The following FRYL variants were observed in gnomAD, a reference collection of about 807,000 sequenced individuals.
The protein encoded by FRYL is FRY like transcription coactivator.
FRYL carries 150 observed loss-of-function variants against 351.2 expected under a neutral mutation model. That is an observed-to-expected ratio of 0.43 (90% CI 0.37 to 0.49). FRYL has a LOEUF of 0.49. FRYL is among the 20% of genes least tolerant of loss of function. The pLI is 0.00. For synonymous variants in FRYL, 1,153 were observed against 1,257.1 expected, an observed-to-expected ratio of 0.92 and a Z score of 1.75; for missense variants, 3,036 against 3,619.3, an observed-to-expected ratio of 0.84 and a Z score of 4.13.
chr4:48,698,177 A>G (rs1766381985), intron 2 of FRYL, among the ~76,000 whole-genome samples: 1 of 152,234 alleles, frequency 6.6e-6, no homozygotes, highest in Non-Finnish European at 1.5e-5. Flanking sequence ...CAAAGGAGAC[A>G]GTCATCAACC....
chr4:48,654,009 T>C (rs746866635), intron 3 of FRYL: 7 of 957,350 alleles, frequency 7.3e-6, no homozygotes, highest in African/African-American at 1.7e-5. Context: ...AACTATCCAG[T>C]TGAATAAAAG....
intron 2 of FRYL, among the ~76,000 whole-genome samples, chr4:48,699,842 T>C (rs1191294456): frequency 2.0e-5 from 3 of 152,208 alleles, no homozygotes; most frequent in Non-Finnish European, 4.4e-5. Context: ...TTTTGAATAT[T>C]GTCTACAGAT....
rs1737130910 is a variant in FRYL, at chr4:48,567,831, T to A, written c.2997-411A>T. 1.3e-5 allele frequency among the ~76,000 whole-genome samples: 2 copies of A among 152,232 alleles called. No homozygotes were observed. The highest frequency in any genetic ancestry group is 1.3e-4 in the Admixed American group (2 of 15,284). On this transcript the variant is annotated intron_variant, in intron 27 of 63. Transcript: ENST00000358350. The surrounding 1 kb of genome is among the most constrained non-coding windows in gnomAD (Gnocchi z 4.2). ...GTCTATTCATATTGTGCCTTCAGCA[T>A]AATTAAATATCTATTAGTCACTTAG... is the stretch of plus-strand genomic sequence containing the variant.
chr4:48,588,430 G>T (rs1742584012), intron 18 of FRYL, among the ~76,000 whole-genome samples: 1 of 152,054 alleles, frequency 6.6e-6, no homozygotes. Flanking sequence ...GTTGATTCAG[G>T]TATCTGTCTT....
intron 2 of FRYL, among the ~76,000 whole-genome samples, chr4:48,688,597 C>T (rs1765388033): frequency 6.6e-6 from 1 of 150,676 alleles, no homozygotes; most frequent in Non-Finnish European, 1.5e-5. Context: ...TTTCTCTTGA[C>T]AAATGCTATA....
chr4:48,737,644 A>G (rs1368570177), intron 1 of FRYL, among the ~76,000 whole-genome samples: 1 of 152,170 alleles, frequency 6.6e-6, no homozygotes, highest in East Asian at 1.9e-4. Context: ...GTATCACTCT[A>G]ATACCAAAAC....
intron 53 of FRYL, among the ~76,000 whole-genome samples, chr4:48,525,623 A>G (rs539870566): frequency 6.2e-4 from 94 of 152,326 alleles, no homozygotes; most frequent in African/African-American, 2.2e-3. Context: ...TATGAGTTGT[A>G]TATGTATATG....
intron 1 of FRYL, among the ~76,000 whole-genome samples, chr4:48,740,154 T>A (rs1448597309): frequency 6.6e-6 from 1 of 152,118 alleles, no homozygotes; most frequent in Non-Finnish European, 1.5e-5. Flanking sequence ...TTTTCTGCTC[T>A]GTGAAAGGCA....
At chr4:48,624,809 A>C (rs1380575618) in intron 4 of FRYL, among the ~76,000 whole-genome samples, 1 of 152,292 alleles carries the variant, frequency 6.6e-6, no homozygotes, top group East Asian at 1.9e-4. Flanking sequence ...GCCTTCCCCT[A>C]TGTGGGTAGG....
chr4:48,596,228 T>C (rs1488493001), intron 13 of FRYL, among the ~76,000 whole-genome samples: 1 of 152,138 alleles, frequency 6.6e-6, no homozygotes, highest in East Asian at 1.9e-4. Flanking sequence ...TTTTATTTAC[T>C]AAATTTTACT....
chr4:48,707,602 C>T (rs902172601), intron 2 of FRYL, among the ~76,000 whole-genome samples: 16 of 150,904 alleles, frequency 1.1e-4, no homozygotes, highest in Non-Finnish European at 1.6e-4. Flanking sequence ...TTTACAGACA[C>T]TAGAAAAAAA....
At chr4:48,707,406 G>A (rs548417182) in intron 2 of FRYL, among the ~76,000 whole-genome samples, 17 of 152,228 alleles carry the variant, frequency 1.1e-4, no homozygotes, top group African/African-American at 3.6e-4. Flanking sequence ...TCTAGAATTT[G>A]CTTTAAAATA....
At chr4:48,626,097 C>T (rs923575100) in intron 4 of FRYL, among the ~76,000 whole-genome samples, 1 of 151,990 alleles carries the variant, frequency 6.6e-6, no homozygotes, top group Non-Finnish European at 1.5e-5. Flanking sequence ...TTATAGAATA[C>T]AATATAGCCA....
intron 3 of FRYL, among the ~76,000 whole-genome samples, chr4:48,655,726 T>C (rs1439971908): frequency 6.8e-6 from 1 of 146,468 alleles, no homozygotes; most frequent in Non-Finnish European, 1.5e-5. Context: ...AATGTATAAG[T>C]ATATAAAATT....
chr4:48,682,968 C>T (rs1472742087), intron 3 of FRYL, among the ~76,000 whole-genome samples: 2 of 152,068 alleles, frequency 1.3e-5, no homozygotes, highest in African/African-American at 4.8e-5. Context: ...CTCATGCACA[C>T]GTATGTATAT....
chr4:48,537,504 T>C (rs1041351804), intron 47 of FRYL, among the ~76,000 whole-genome samples: 19 of 152,316 alleles, frequency 1.2e-4, no homozygotes, highest in South Asian at 1.2e-3. Flanking sequence ...CTAGGGATAT[T>C]TGCATAATGA....
chr4:48,521,442 C>G (rs1388960851), intron 54 of FRYL, among the ~76,000 whole-genome samples: 3 of 152,124 alleles, frequency 2.0e-5, no homozygotes, highest in African/African-American at 7.2e-5. Context: ...TTTTGCTAAA[C>G]AAAAACTATC....
chr4:48,651,816 GA>G (rs1254333561), intron 3 of FRYL, among the ~76,000 whole-genome samples: 1 of 152,160 alleles, frequency 6.6e-6, no homozygotes, highest in South Asian at 2.1e-4. Context: ...AAAGATAAGT[GA>G]AGACAAAGAA....
intron 35 of FRYL, among the ~76,000 whole-genome samples, chr4:48,556,555 CCA>C (rs2149025623): frequency 6.6e-6 from 1 of 152,278 alleles, no homozygotes; most frequent in South Asian, 2.1e-4. Flanking sequence ...AGAAACATCC[CCA>C]GTGTGTGGTT....
Sources: allele counts gnomAD v4.1 joint callset (sites outside exome capture counted in the v4.1 genomes callset), GRCh38; gene constraint gnomAD v4.1.1; non-coding constraint Gnocchi (gnomAD v3.1); transcripts MANE v1.5; gene names NCBI Gene and HGNC (gene_info 2026-07-23, HGNC 2026-07-21).